Variants in WNT7A observed in about 807,000 individuals in gnomAD.
The protein encoded by WNT7A is Wnt family member 7A, also known as protein Wnt-7a.
Under a neutral mutation model 28.2 loss-of-function variants are expected in WNT7A, and 16 were observed. That is an observed-to-expected ratio of 0.57 (90% confidence interval 0.38 to 0.86). WNT7A has a LOEUF of 0.86. WNT7A is among the 40% of genes least tolerant of loss of function. The probability of loss-of-function intolerance (pLI) is 0.00; values close to 1 mark genes in which losing one functional copy is unlikely to be tolerated. For synonymous variants in WNT7A, 190 were observed against 195.9 expected (o/e 0.97, Z 0.25); for missense variants, 411 against 489.7 (o/e 0.84, Z 1.52).
intron 3 of WNT7A, among the ~76,000 whole-genome samples, chr3:13,850,333 T>A (rs1440331558): frequency 1.3e-5 from 2 of 152,194 alleles, no homozygotes; most frequent in African/African-American, 4.8e-5. Flanking sequence ...GCAGGCCTTA[T>A]CTGGGCTCCG....
At chr3:13,841,667 G>A (rs1314702446) in intron 3 of WNT7A, among the ~76,000 whole-genome samples, 1 of 152,244 alleles carries the variant, frequency 6.6e-6, no homozygotes, top group Non-Finnish European at 1.5e-5. Context: ...GGCACAGAGG[G>A]GAAAAGGTGG....
chr3:13,866,968 G>T (rs865936727), intron 2 of WNT7A, among the ~76,000 whole-genome samples: 2 of 152,082 alleles, frequency 1.3e-5, no homozygotes, highest in African/African-American at 4.8e-5. Context: ...CAGATTGGGG[G>T]ATATAGTTTG....
chr3:13,870,915 C>T (rs1040047191), intron 2 of WNT7A, among the ~76,000 whole-genome samples: 15 of 152,308 alleles, frequency 9.8e-5, no homozygotes, highest in African/African-American at 3.6e-4. Context: ...AATTGGGGTT[C>T]AATTTCTAGC....
At chr3:13,868,925 AAGAAGGAAGGAAGGAAAAGAGAGAGAAT>A (rs1694977960) in intron 2 of WNT7A, among the ~76,000 whole-genome samples, 1 of 146,396 alleles carries the variant, frequency 6.8e-6, no homozygotes, top group African/African-American at 2.5e-5. Flanking sequence ...GAAGGAAGGA[AAGAAGGAAGGAAGGAAAAGAGAGAGAAT>A]GGAAGGAAGG....
rs1386634799 is a variant in WNT7A at position 13,817,728 on chromosome 3, TGTCTTG to T, written c.*1210_*1215del. The T allele has an allele frequency of 6.6e-6, 1 of 152,164 alleles. No individual in the cohort carries two copies. Among genetic ancestry groups the T allele is most frequent in the African/African-American group, 2.4e-5 (1 of 41,418 alleles). The allele number at this position is 152,164 out of a possible 1,614,324, so 9.4% of individuals were successfully genotyped here. Reference sequence around the variant, plus strand: ...TCCAGGACACGCAGGCAATGGCTAGTGTCTTGGTGAGGTGTGGGGCTCCCTGAACTG... The same window carrying T: ...TCCAGGACACGCAGGCAATGGCTAGTGTGAGGTGTGGGGCTCCCTGAACTG... On this transcript the variant is annotated 3_prime_UTR_variant, in exon 4 of 4. Coordinates refer to ENST00000285018, the MANE Select transcript of WNT7A (RefSeq NM_004625.4).
chr3:13,878,500 C>T (rs989771488), intron 1 of WNT7A, among the ~76,000 whole-genome samples: 30 of 152,276 alleles, frequency 2.0e-4, no homozygotes, highest in Non-Finnish European at 4.1e-4. Flanking sequence ...CTGGCGCGAG[C>T]CCCGCAGCCG....
chr3:13,867,994 A>T (rs1339449383), intron 2 of WNT7A, among the ~76,000 whole-genome samples: 1 of 152,184 alleles, frequency 6.6e-6, no homozygotes, highest in African/African-American at 2.4e-5. Context: ...TAGCAATTCA[A>T]TCCAACCAAA....
Position 13,819,283 on chromosome 3 carries a change from G to A in WNT7A, c.711C>T (p.His237=), listed in dbSNP as rs368507436. Reference sequence around the variant, plus strand: ...TGCGGCTGGCACGCACAGGCTCCACGTGAACGGCCTCGTTGTACTTGTCCT... The same window carrying A: ...TGCGGCTGGCACGCACAGGCTCCACATGAACGGCCTCGTTGTACTTGTCCT... The part of the protein sequence containing the change: ...VLKDKYNEAV[H]VEPVRASRNK... The change falls in exon 4 of 4, where the codon CAC becomes CAT. Residue 237 remains histidine, a synonymous_variant. Coordinates refer to ENST00000285018, the MANE Select transcript of WNT7A (RefSeq NM_004625.4). 38 of 1,614,212 alleles carry A rather than the reference G, an allele frequency of 2.4e-5. 1 individual carries two copies. The African/African-American group carries it at 2.4e-4, about 10-fold the overall frequency.
At chr3:13,861,413 A>C (rs1694829673) in intron 2 of WNT7A, among the ~76,000 whole-genome samples, 1 of 152,234 alleles carries the variant, frequency 6.6e-6, no homozygotes, top group Non-Finnish European at 1.5e-5. Flanking sequence ...TGTGCCAGGC[A>C]CTGTTCTAGG....
At chr3:13,820,293 A>T (rs1373605335) in intron 3 of WNT7A, among the ~76,000 whole-genome samples, 3 of 152,190 alleles carry the variant, frequency 2.0e-5, no homozygotes, top group Non-Finnish European at 4.4e-5. Context: ...GAATGGAGGA[A>T]GGGGTAAGTG....
At chr3:13,862,056 G>A (rs993931763) in intron 2 of WNT7A, among the ~76,000 whole-genome samples, 1 of 152,188 alleles carries the variant, frequency 6.6e-6, no homozygotes, top group Non-Finnish European at 1.5e-5. Context: ...TTCACTGGGG[G>A]AGCCCCAAGC....
intron 3 of WNT7A, among the ~76,000 whole-genome samples, chr3:13,822,185 T>C (rs1694122067): frequency 6.6e-6 from 1 of 152,260 alleles, no homozygotes; most frequent in African/African-American, 2.4e-5. Context: ...CTCCTCAGAA[T>C]GTTAGACACA....
chr3:13,856,960 A>AAGAAAAAGAAGAAGG (rs1694752391), intron 2 of WNT7A, among the ~76,000 whole-genome samples: 1 of 117,472 alleles, frequency 8.5e-6, no homozygotes, highest in African/African-American at 4.1e-5. Context: ...GAAGAAGAAG[A>AAGAAAAAGAAGAAGG]AGAAGAAGGA....
chr3:13,854,506 C>A (rs1227740918), intron 3 of WNT7A, 26 bp downstream of exon 3: 1 of 1,613,870 alleles, frequency 6.2e-7, no homozygotes, highest in South Asian at 1.1e-5. Flanking sequence ...GCGAGCGCCG[C>A]CCAGCTGCCC....
chr3:13,877,152 A>T (rs1695122384), intron 1 of WNT7A: 1 of 152,268 alleles, frequency 6.6e-6, no homozygotes. Flanking sequence ...AAACTTGGGC[A>T]GTGTCCCTAC....
intron 2 of WNT7A, among the ~76,000 whole-genome samples, chr3:13,861,306 C>G (rs977251245): frequency 1.3e-5 from 2 of 152,232 alleles, no homozygotes; most frequent in Non-Finnish European, 2.9e-5. Flanking sequence ...TGCCCAGGAG[C>G]AGAGGAAGAA....
At chr3:13,838,980 C>T (rs73019607) in intron 3 of WNT7A, among the ~76,000 whole-genome samples, 1 of 152,068 alleles carries the variant, frequency 6.6e-6, no homozygotes, top group East Asian at 1.9e-4. Flanking sequence ...TCAGTATTTG[C>T]ATATTGATTA....
intron 2 of WNT7A, among the ~76,000 whole-genome samples, chr3:13,862,341 C>T (rs889762465): frequency 1.3e-5 from 2 of 152,238 alleles, no homozygotes; most frequent in Admixed American, 1.3e-4. Flanking sequence ...TTCCATTCCA[C>T]CGCCCTGTGT....
At chr3:13,843,031 C>G (rs781033113) in intron 3 of WNT7A, among the ~76,000 whole-genome samples, 10 of 152,258 alleles carry the variant, frequency 6.6e-5, no homozygotes, top group African/African-American at 2.2e-4. Context: ...AAAGGAGGAC[C>G]AGCGTGGCCT....
Sources: allele counts gnomAD v4.1 joint callset (sites outside exome capture counted in the v4.1 genomes callset), GRCh38; gene constraint gnomAD v4.1.1; transcripts MANE v1.5; gene names NCBI Gene and HGNC (gene_info 2026-07-23, HGNC 2026-07-21).